AGBL1: variants seen among roughly 807,000 people sequenced by gnomAD.
AGBL1 encodes cytosolic carboxypeptidase 4.
A neutral mutation model predicts 118.9 loss-of-function variants in AGBL1; 130 were observed. The ratio of observed to expected loss-of-function variants is 1.09; its 90% CI spans 0.95 to 1.26. The LOEUF (loss-of-function observed/expected upper bound fraction) is 1.26. Ranked by LOEUF, AGBL1 falls within the 50% of genes most tolerant of loss-of-function variation. AGBL1 has a pLI of 0.00. For synonymous variants in AGBL1, 555 were observed against 478.9 expected (o/e 1.16, Z -2.08); for missense variants, 1,584 against 1,298.1 (o/e 1.22, Z -3.38).
At chr15:86,543,185 A>G (rs557263238) in intron 19 of AGBL1, among the ~76,000 whole-genome samples, 15 of 148,536 alleles carry the variant, frequency 1.0e-4, no homozygotes, top group Non-Finnish European at 1.5e-4. Context: ...CCTTAAAAGT[A>G]ATTTAGTGTT....
At chr15:86,475,826 A>C (rs1256579342) in intron 18 of AGBL1, among the ~76,000 whole-genome samples, 1 of 152,210 alleles carries the variant, frequency 6.6e-6, no homozygotes, top group South Asian at 2.1e-4. Flanking sequence ...GCCAGAAAGA[A>C]AGGTCGGGTT....
At chr15:86,769,457 A>G (rs1381960367) in intron 22 of AGBL1, among the ~76,000 whole-genome samples, 4 of 151,942 alleles carry the variant, frequency 2.6e-5, no homozygotes, top group Non-Finnish European at 5.9e-5. Flanking sequence ...ATTCATAGAA[A>G]ATGATTTCTC....
At chr15:86,234,764 T>TA (rs2078512274) in intron 6 of AGBL1, among the ~76,000 whole-genome samples, 1 of 152,152 alleles carries the variant, frequency 6.6e-6, no homozygotes, top group Admixed American at 6.5e-5. Flanking sequence ...AGGTGATGTT[T>TA]AAAAGAGTGG....
In AGBL1 at chr15:87,008,217, C is replaced by A. The variant is rs2081523593; in HGVS notation, c.3323+20129C>A. On this transcript the variant is annotated intron_variant, in intron 24 of 24. Coordinates refer to the AGBL1 transcript ENST00000441037. ...TGATTGGCTCTCTCCCCACCCGGAT[C>A]TCATCTAGAATTCCCATGTGTTGTG... 2.6e-5 allele frequency among the ~76,000 whole-genome samples: 4 copies of A among 152,190 alleles called. No homozygotes were observed. The South Asian group carries it at 8.3e-4, about 31-fold the overall frequency.
chr15:86,407,862 A>G (rs1029618617), intron 18 of AGBL1, among the ~76,000 whole-genome samples: 2 of 152,056 alleles, frequency 1.3e-5, no homozygotes, highest in African/African-American at 4.8e-5. Flanking sequence ...TCCCTTTCCC[A>G]TGATTCGCTG....
intron 24 of AGBL1, among the ~76,000 whole-genome samples, chr15:87,014,919 G>A (rs2081595049): frequency 6.6e-6 from 1 of 152,072 alleles, no homozygotes; most frequent in South Asian, 2.1e-4. Flanking sequence ...GTGAAGCATT[G>A]TTTCTCGGCG....
intron 22 of AGBL1, among the ~76,000 whole-genome samples, chr15:86,682,714 TATTG>T (rs945875866): frequency 2.6e-5 from 4 of 152,084 alleles, no homozygotes; most frequent in Admixed American, 1.3e-4. Flanking sequence ...AAAAGAACAT[TATTG>T]ATTAATTTTC....
chr15:86,105,788 G>C (rs975692483), intron 1 of AGBL1, among the ~76,000 whole-genome samples: 1 of 152,168 alleles, frequency 6.6e-6, no homozygotes, highest in African/African-American at 2.4e-5. Context: ...CCCAATCACA[G>C]TTCTTTTTGT....
intron 21 of AGBL1, among the ~76,000 whole-genome samples, chr15:86,640,083 G>T (rs899287546): frequency 1.3e-5 from 2 of 152,080 alleles, no homozygotes; most frequent in African/African-American, 4.8e-5. Context: ...ACATGTCATA[G>T]TTATTATTGT....
In AGBL1 at chr15:86,832,756, C is replaced by T. The variant is rs1382413230; in HGVS notation, c.3159-74331C>T. Among the ~76,000 whole-genome samples the T allele has an allele frequency of 2.6e-5, 4 of 152,154 alleles. No homozygotes were observed. In the East Asian group the frequency reaches 7.7e-4, roughly 29 times the overall value. The stretch of plus-strand genomic sequence containing the variant: ...ACATCTTCCTGCCTTCTTCTGAGTC[C>T]TTCAGACTGTTCCAACCTCTGCCTG... On this transcript the variant is annotated intron_variant, in intron 22 of 22. Transcript: ENST00000614907.
chr15:86,661,812 G>A (rs952918134), intron 21 of AGBL1, among the ~76,000 whole-genome samples: 1 of 152,106 alleles, frequency 6.6e-6, no homozygotes, highest in African/African-American at 2.4e-5. Context: ...CACTCTCGTC[G>A]CTCTGAGAAT....
intron 22 of AGBL1, among the ~76,000 whole-genome samples, chr15:86,779,391 C>A (rs1009025026): frequency 6.6e-6 from 1 of 152,158 alleles, no homozygotes; most frequent in Non-Finnish European, 1.5e-5. Flanking sequence ...GGCCCACATG[C>A]ACTAAGACAG....
intron 16 of AGBL1, among the ~76,000 whole-genome samples, chr15:86,294,979 A>C (rs926998550): frequency 1.3e-5 from 2 of 152,122 alleles, no homozygotes; most frequent in Non-Finnish European, 1.5e-5. Flanking sequence ...AGAGGGCTTT[A>C]TGCCCCTGCC....
intron 22 of AGBL1, among the ~76,000 whole-genome samples, chr15:86,810,519 A>G (rs949223419): frequency 2.6e-5 from 4 of 152,162 alleles, no homozygotes; most frequent in African/African-American, 4.8e-5. Flanking sequence ...TATTTAAAGT[A>G]TGACAGGATA....
At chr15:86,800,471 G>T (rs778957487) in intron 22 of AGBL1, among the ~76,000 whole-genome samples, 4 of 152,072 alleles carry the variant, frequency 2.6e-5, no homozygotes. Context: ...AAGGAATCCA[G>T]AAATATGGAA....
intron 18 of AGBL1, among the ~76,000 whole-genome samples, chr15:86,477,412 T>C (rs1015784331): frequency 1.7e-4 from 26 of 152,078 alleles, no homozygotes; most frequent in Middle Eastern, 3.4e-3. Flanking sequence ...CACCACCGAT[T>C]CCACAGAAAT....
chr15:86,739,831 A>C (rs2077652366), intron 22 of AGBL1, among the ~76,000 whole-genome samples: 1 of 152,212 alleles, frequency 6.6e-6, no homozygotes, highest in South Asian at 2.1e-4. Flanking sequence ...GGATACCTCC[A>C]GGGTTTTGTG....
In AGBL1 at chr15:86,986,203, C is replaced by A. The variant is rs185267144; in HGVS notation, c.3222-1784C>A. On this transcript the variant is annotated intron_variant, in intron 23 of 24. Coordinates refer to the AGBL1 transcript ENST00000441037. ...CCTCCCAAAGTGCTAGGATTACAGG[C>A]GTGAGCCACGGCGCCCGGCCAGGAT... Among the ~76,000 whole-genome samples the A allele has an allele frequency of 3.3e-5, 5 of 152,236 alleles. No homozygotes were observed. In the East Asian group the frequency reaches 9.6e-4, roughly 29 times the overall value.
chr15:86,528,055 G>GAA (rs1391008986), intron 19 of AGBL1, among the ~76,000 whole-genome samples: 3 of 152,124 alleles, frequency 2.0e-5, no homozygotes, highest in Non-Finnish European at 4.4e-5. Flanking sequence ...ACGTGTCAGG[G>GAA]ATACAAAGAA....
Sources: gnomAD v4.1 joint callset for allele counts (sites outside exome capture counted in the v4.1 genomes callset) on GRCh38, gnomAD v4.1.1 for gene constraint, MANE v1.5 for transcripts, NCBI Gene and HGNC (gene_info 2026-07-23, HGNC 2026-07-21) for gene names.